Variants in KATNIP observed in about 807,000 individuals in gnomAD.
KATNIP encodes katanin-interacting protein.
KATNIP carries 126 observed loss-of-function variants against 174.0 expected under a neutral mutation model. That is an observed-to-expected ratio of 0.72 (90% CI 0.63 to 0.84). The LOEUF is 0.84. Ranked by LOEUF, KATNIP falls within the 40% of genes least tolerant of loss-of-function variation. The pLI is 0.00. For missense variants in KATNIP, 1,958 were observed against 2,109.7 expected, an observed-to-expected ratio of 0.93 and a Z score of 1.41; for synonymous variants, 810 against 835.7, an observed-to-expected ratio of 0.97 and a Z score of 0.53.
rs556005790 is a variant in KATNIP, at chr16:27,761,160, G to A, written c.3632-253G>A. ...GGTGGGACAGCACAATCTGGTAGGC[G>A]GAGGAAGGACTCAGGGCTATGTGCA... On this transcript the variant is annotated intron_variant, in intron 18 of 27. Coordinates refer to ENST00000261588, the MANE Select transcript of KATNIP (RefSeq NM_015202.5). Among the ~76,000 whole-genome samples, 197 of 152,270 alleles carry A rather than the reference G, an allele frequency of 1.3e-3. 1 individual carries two copies. Among genetic ancestry groups the A allele is most frequent in the Non-Finnish European group, 2.1e-3 (142 of 68,024 alleles).
At chr16:27,696,930 T>C (rs1247703302) in intron 8 of KATNIP, among the ~76,000 whole-genome samples, 1 of 152,114 alleles carries the variant, frequency 6.6e-6, no homozygotes, top group African/African-American at 2.4e-5. Flanking sequence ...GGTTTCACCA[T>C]GTTGACCAGG....
chr16:27,612,997 G>A (rs1413362690), intron 2 of KATNIP, among the ~76,000 whole-genome samples: 2 of 151,820 alleles, frequency 1.3e-5, no homozygotes, highest in East Asian at 1.9e-4. Context: ...ACTGGCGCAC[G>A]CCTATAATCT....
At chr16:27,747,904 C>G (rs1280933474) in intron 15 of KATNIP, among the ~76,000 whole-genome samples, 1 of 151,932 alleles carries the variant, frequency 6.6e-6, no homozygotes, top group Non-Finnish European at 1.5e-5. Context: ...TGTCTGCAGG[C>G]AAAGAGGGGA....
chr16:27,601,580 T>G (rs2075527391), intron 2 of KATNIP, among the ~76,000 whole-genome samples: 1 of 151,938 alleles, frequency 6.6e-6, no homozygotes, highest in South Asian at 2.1e-4. Flanking sequence ...CCTCCCAAAG[T>G]TCTGGGATTA....
chr16:27,730,139 G>A (rs1567360104), intron 14 of KATNIP, among the ~76,000 whole-genome samples: 1 of 152,250 alleles, frequency 6.6e-6, no homozygotes, highest in Non-Finnish European at 1.5e-5. Context: ...GAGCAGCCAT[G>A]ACTCACAGCT....
Position 27,677,592 on chromosome 16 carries a change from A to G in KATNIP, c.541-137A>G, listed in dbSNP as rs566709629. The G allele has an allele frequency of 1.8e-5, 16 of 876,894 alleles. No individual in the cohort carries two copies. The East Asian group carries it at 3.5e-4, about 19-fold the overall frequency. The allele number at this position is 876,894 out of a possible 1,614,324, so 54.3% of individuals were successfully genotyped here. On this transcript the variant is annotated intron_variant, in intron 6 of 27. Coordinates refer to ENST00000261588, the MANE Select transcript of KATNIP (RefSeq NM_015202.5). ...TTGTTTTCTCGTCTTCAAAGCAGTGACATCACAAGGGTTGAGATAATATTG... is the reference window on the plus strand; with the variant it reads ...TTGTTTTCTCGTCTTCAAAGCAGTGGCATCACAAGGGTTGAGATAATATTG...
intron 27 of KATNIP, 144 bp downstream of exon 27, chr16:27,778,113 A>C (rs2082569536): frequency 2.9e-6 from 2 of 689,766 alleles, no homozygotes; most frequent in Non-Finnish European, 4.9e-6. Context: ...CCAAAGGCCT[A>C]GGGAGGGACT....
intron 4 of KATNIP, among the ~76,000 whole-genome samples, chr16:27,629,184 A>G (rs926608492): frequency 1.2e-3 from 178 of 151,426 alleles, no homozygotes; most frequent in African/African-American, 4.2e-3. Context: ...AAAAAAAAAA[A>G]TAGGGATTAT....
At position 27,779,661 on chromosome 16, in the gene KATNIP, TCC is replaced by T. The variant is rs2082623627; in HGVS notation, c.*1036_*1037del. On this transcript the variant is annotated 3_prime_UTR_variant, in exon 28 of 28. Coordinates refer to ENST00000261588, the MANE Select transcript of KATNIP (RefSeq NM_015202.5). ...TCCTTTCCCAGGCCCCCACCCCTTC[TCC>T]CCCTTCAGCCACTTCCCAGCGAGTT... 6.8e-6 allele frequency: 1 copy of T among 146,258 alleles called. No homozygotes were observed. The highest frequency in any genetic ancestry group is 1.5e-5 in the Non-Finnish European group (1 of 66,722). 9.1% of individuals were successfully genotyped at this position (146,258 alleles called of 1,614,324 possible).
At chr16:27,647,249 T>G (rs1461618100) in intron 5 of KATNIP, among the ~76,000 whole-genome samples, 1 of 152,154 alleles carries the variant, frequency 6.6e-6, no homozygotes, top group Non-Finnish European at 1.5e-5. Flanking sequence ...TCCAGAAAGT[T>G]TGGGAAATGT....
intron 6 of KATNIP, among the ~76,000 whole-genome samples, chr16:27,665,606 A>ATT (rs773182744): frequency 2.2e-5 from 3 of 138,288 alleles, no homozygotes; most frequent in Non-Finnish European, 1.6e-5. Flanking sequence ...TGTTTTTATT[A>ATT]TTTTTTTTTT....
intron 1 of KATNIP, among the ~76,000 whole-genome samples, chr16:27,564,352 C>T (rs73533064): frequency 0.022 from 3,363 of 152,146 alleles, 119 homozygotes; most frequent in African/African-American, 0.075. Context: ...CTAAGAGAGA[C>T]GGGCTGACCC....
intron 5 of KATNIP, 160 bp downstream of exon 5, chr16:27,631,322 T>C: frequency 3.5e-6 from 2 of 578,846 alleles, no homozygotes; most frequent in Non-Finnish European, 6.1e-6. Context: ...GAGGATCACT[T>C]TGAGCCCAGA....
At chr16:27,605,795 C>T (rs891535891) in intron 2 of KATNIP, among the ~76,000 whole-genome samples, 6 of 151,968 alleles carry the variant, frequency 3.9e-5, no homozygotes, top group Admixed American at 6.6e-5. Flanking sequence ...TTTCTGTTTT[C>T]GAGGATGGGA....
chr16:27,608,335 A>G (rs556435286), intron 2 of KATNIP, among the ~76,000 whole-genome samples: 11 of 141,872 alleles, frequency 7.8e-5, no homozygotes, highest in Admixed American at 3.7e-4. Context: ...GACTCAAGCC[A>G]TCCTCCCACC....
At chr16:27,591,051 C>CTG (rs753757358) in intron 2 of KATNIP, among the ~76,000 whole-genome samples, 2 of 152,214 alleles carry the variant, frequency 1.3e-5, no homozygotes, top group Non-Finnish European at 2.9e-5. Context: ...AGGAGACTTC[C>CTG]TGTGTGAGTT....
intron 6 of KATNIP, 66 bp from the exon 7 acceptor site, chr16:27,677,663 A>G: frequency 6.8e-7 from 1 of 1,460,232 alleles, no homozygotes; most frequent in Non-Finnish European, 9.3e-7. Flanking sequence ...CAAATGATCT[A>G]TTTTCAAATA....
chr16:27,720,946 G>A (rs751145209), intron 13 of KATNIP, among the ~76,000 whole-genome samples: 1 of 152,134 alleles, frequency 6.6e-6, no homozygotes, highest in Non-Finnish European at 1.5e-5. Flanking sequence ...TTGTCCGTGT[G>A]AATGAGAATG....
intron 8 of KATNIP, among the ~76,000 whole-genome samples, chr16:27,692,585 C>G (rs1393080065): frequency 1.3e-5 from 2 of 152,096 alleles, no homozygotes; most frequent in Non-Finnish European, 2.9e-5. Flanking sequence ...CTTGACCTAC[C>G]AGGGCCTGGC....
Sources: allele counts gnomAD v4.1 joint callset (sites outside exome capture counted in the v4.1 genomes callset), GRCh38; gene constraint gnomAD v4.1.1; transcripts MANE v1.5; gene names NCBI Gene and HGNC (gene_info 2026-07-23, HGNC 2026-07-21).